Variants in MAOB observed in about 807,000 individuals in gnomAD.
The protein encoded by MAOB is amine oxidase [flavin-containing] B.
MAOB carries 15 observed loss-of-function variants against 41.9 expected under a neutral mutation model. The ratio of observed to expected loss-of-function variants is 0.36; its 90% CI spans 0.24 to 0.55. The LOEUF is 0.55. Among genes scored for constraint, MAOB ranks in the 20% least tolerant of loss-of-function variants. The probability of loss-of-function intolerance (pLI) is 0.86; values close to 1 mark genes in which losing one functional copy is unlikely to be tolerated. For missense variants in MAOB, 345 were observed against 398.7 expected, an observed-to-expected ratio of 0.87 and a Z score of 1.15; for synonymous variants, 167 against 144.2, an observed-to-expected ratio of 1.16 and a Z score of -1.13.
intron 8 of MAOB, among the ~76,000 whole-genome samples, chrX:43,787,037 T>A (rs911162202): frequency 3.9e-5 from 4 of 102,463 alleles, no homozygotes; most frequent in Non-Finnish European, 7.8e-5. Context: ...TTAAAGAAGT[T>A]CTTAAAGAAT....
intron 3 of MAOB, among the ~76,000 whole-genome samples, chrX:43,810,566 A>G (rs2034734266): frequency 9.0e-6 from 1 of 110,752 alleles, no homozygotes; most frequent in Non-Finnish European, 1.9e-5. Context: ...AATTCTTAAT[A>G]ATTTTTAAGA....
In MAOB at chrX:43,803,560, CT is replaced by C. The variant is rs1440538481; in HGVS notation, c.280-157del. On this transcript the variant is annotated intron_variant, in intron 3 of 14. Transcript: ENST00000378069. ...AGCTCCTTGTGTCCTCAGAACCCCA[CT>C]TAACTTTTTAGCATAGAGATTGCCA... Among the ~76,000 whole-genome samples, 9 of 112,481 alleles carry C rather than the reference CT, an allele frequency of 8.0e-5. No individual in the cohort carries two copies. The Middle Eastern group carries it at 0.018, about 230-fold the overall frequency.
At chrX:43,875,816 A>T (rs773050782) in intron 1 of MAOB, among the ~76,000 whole-genome samples, 7 of 111,852 alleles carry the variant, frequency 6.3e-5, no homozygotes, top group Non-Finnish European at 1.1e-4. Flanking sequence ...CTTTTCAAGT[A>T]CCAAGAAAAA....
chrX:43,808,690 C>A (rs868777732), intron 3 of MAOB, among the ~76,000 whole-genome samples: 4 of 91,943 alleles, frequency 4.4e-5, no homozygotes, highest in African/African-American at 1.7e-4. Flanking sequence ...ATATCTATAT[C>A]TACACATAGA....
rs1401455538 is a variant in MAOB, at chrX:43,775,051, GGTT to G, written c.1235+121_1235+123del. The G allele has an allele frequency of 1.0e-4, 76 of 734,531 alleles. No homozygotes were observed. The African/African-American group carries it at 1.6e-3, about 16-fold the overall frequency. The allele number at this position is 734,531 out of a possible 1,213,427, so 60.5% of individuals were successfully genotyped here. On this transcript the variant is annotated intron_variant, in intron 12 of 14. Transcript: ENST00000378069. ...CATTCATAAGATACAAAGGAAATTG[GGTT>G]GTTTTTTTTTTTTTTTTTTGTATTT...
At chrX:43,862,281 G>T (rs1164000124) in intron 1 of MAOB, among the ~76,000 whole-genome samples, 1 of 111,516 alleles carries the variant, frequency 9.0e-6, no homozygotes, top group Non-Finnish European at 1.9e-5. Flanking sequence ...ACCCTGTATT[G>T]TATTTTTGTG....
chrX:43,801,793 T>G (rs915814841), intron 5 of MAOB, among the ~76,000 whole-genome samples: 4 of 113,111 alleles, frequency 3.5e-5, no homozygotes, highest in Non-Finnish European at 7.5e-5. Context: ...GTGTGGCAAA[T>G]GCACATGCTA....
At chrX:43,780,522 G>A in intron 9 of MAOB, 127 bp from the exon 10 acceptor site, 1 of 417,408 alleles carries the variant, frequency 2.4e-6, no homozygotes, top group South Asian at 6.0e-5. Flanking sequence ...CTATACACTA[G>A]CTTTTCTTAC....
chrX:43,802,335 T>C, intron 4 of MAOB, 72 bp from the exon 5 acceptor site: 4 of 729,290 alleles, frequency 5.5e-6, no homozygotes, highest in Non-Finnish European at 8.1e-6. Context: ...ATTTTTGTAA[T>C]TTTCCACTTT....
intron 1 of MAOB, among the ~76,000 whole-genome samples, chrX:43,862,087 A>T (rs776222005): frequency 1.2e-4 from 13 of 111,752 alleles, no homozygotes; most frequent in Non-Finnish European, 2.3e-4. Flanking sequence ...ACAAAGAAGT[A>T]AATCCTTTGC....
At chrX:43,822,644 G>A (rs996126008) in intron 3 of MAOB, among the ~76,000 whole-genome samples, 2 of 111,985 alleles carry the variant, frequency 1.8e-5, no homozygotes, top group African/African-American at 6.5e-5. Context: ...ATATCAAAGA[G>A]GCATCTGTTT....
At chrX:43,778,808 G>A in intron 10 of MAOB, 69 bp from the exon 11 acceptor site, 2 of 800,328 alleles carry the variant, frequency 2.5e-6, no homozygotes, top group Non-Finnish European at 3.7e-6. Context: ...TGGGAAAGAG[G>A]CATTTATCCC....
chrX:43,879,458 G>A (rs781227313), intron 1 of MAOB, among the ~76,000 whole-genome samples: 8 of 111,420 alleles, frequency 7.2e-5, no homozygotes, highest in African/African-American at 2.3e-4. Flanking sequence ...CTACTAATTC[G>A]AAAATTCTAC....
intron 5 of MAOB, 152 bp from the exon 6 acceptor site, chrX:43,797,418 C>A (rs758085100): frequency 4.0e-5 from 15 of 371,812 alleles, no homozygotes; most frequent in African/African-American, 3.9e-4. Flanking sequence ...TATTACAAAA[C>A]GTGACATCGG....
chrX:43,858,560 G>C (rs754032396), intron 1 of MAOB, among the ~76,000 whole-genome samples: 1 of 110,342 alleles, frequency 9.1e-6, no homozygotes, highest in Non-Finnish European at 1.9e-5. Flanking sequence ...CAGTTCAAGT[G>C]TCACCTCCTC....
chrX:43,789,846 T>C (rs1309656449), intron 8 of MAOB, among the ~76,000 whole-genome samples: 1 of 111,858 alleles, frequency 8.9e-6, no homozygotes, highest in African/African-American at 3.3e-5. Flanking sequence ...ACTATGTACA[T>C]GTGTATCAAA....
At chrX:43,835,128 C>A (rs1293455195) in intron 3 of MAOB, among the ~76,000 whole-genome samples, 1 of 112,458 alleles carries the variant, frequency 8.9e-6, no homozygotes, top group Non-Finnish European at 1.9e-5. Flanking sequence ...CAAAGACAAC[C>A]ATACACGCAT....
intron 1 of MAOB, among the ~76,000 whole-genome samples, chrX:43,874,484 G>A (rs1230280157): frequency 9.0e-6 from 1 of 111,310 alleles, no homozygotes; most frequent in African/African-American, 3.3e-5. Context: ...TCAGGCACAC[G>A]ACCATCCACC....
chrX:43,845,138 A>AT (rs200240758), intron 1 of MAOB, among the ~76,000 whole-genome samples: 212 of 110,569 alleles, frequency 1.9e-3, no homozygotes, highest in African/African-American at 5.8e-3. Flanking sequence ...AAAATACTGT[A>AT]TTTTTTTTTA....
Sources: gnomAD v4.1 joint callset for allele counts (sites outside exome capture counted in the v4.1 genomes callset) on GRCh38, gnomAD v4.1.1 for gene constraint, MANE v1.5 for transcripts, NCBI Gene and HGNC (gene_info 2026-07-23, HGNC 2026-07-21) for gene names.